Variants in FAT4 observed in about 807,000 individuals in gnomAD.
The protein encoded by FAT4 is protocadherin Fat 4.
Under a neutral mutation model 303.9 loss-of-function variants are expected in FAT4, and 84 were observed. That is an observed-to-expected ratio of 0.28 (90% CI 0.23 to 0.33). The LOEUF is 0.33. FAT4 is among the 10% of genes least tolerant of loss of function. The pLI, the probability that FAT4 is intolerant of heterozygous loss-of-function variation, is 1.00. For missense variants in FAT4, 6,005 were observed against 6,146.8 expected, an observed-to-expected ratio of 0.98 and a Z score of 0.77; for synonymous variants, 2,307 against 2,298.8, an observed-to-expected ratio of 1.00 and a Z score of -0.10.
At chr4:125,456,771 A>G (rs1726295315) in intron 10 of FAT4, among the ~76,000 whole-genome samples, 1 of 152,166 alleles carries the variant, frequency 6.6e-6, no homozygotes, top group Non-Finnish European at 1.5e-5. Context: ...CTTAACATCT[A>G]ACCTAGTCAG....
chr4:125,417,477 G>A (rs1328775935), intron 7 of FAT4, among the ~76,000 whole-genome samples: 1 of 151,996 alleles, frequency 6.6e-6, no homozygotes, highest in Non-Finnish European at 1.5e-5. Flanking sequence ...ACCAGGACTT[G>A]GAATTATTAG....
chr4:125,450,292 C>T lies in FAT4; in HGVS notation c.9282C>T (p.Ser3094=), dbSNP rs773285768. Residue 3094 remains serine (S), a synonymous_variant, in exon 10 of 18, where the codon AGC becomes AGT. Transcript: ENST00000394329. ...ENYHTPEFSQ[S]HMSATIPESH... ...ACCATACACCTGAATTCTCTCAAAG[C>T]CACATGAGTGCAACCATCCCTGAGA... 40 of 1,614,072 alleles carry T rather than the reference C, an allele frequency of 2.5e-5. No individual in the cohort carries two copies. The South Asian group carries it at 4.4e-4, about 18-fold the overall frequency.
intron 2 of FAT4, among the ~76,000 whole-genome samples, chr4:125,368,522 GTATA>G (rs11391727): frequency 7.5e-6 from 1 of 133,804 alleles, no homozygotes; most frequent in East Asian, 2.3e-4. Flanking sequence ...TTATATATAT[GTATA>G]TATATATATA....
In FAT4 at chr4:125,316,631, C is replaced by T; in HGVS notation, c.220C>T (p.Leu74Phe). Residue 74 changes from leucine to phenylalanine, a missense_variant, in exon 2 of 18, where the codon CTC becomes TTC. Transcript: ENST00000394329. This position sits in a 1 kb window ranked among gnomAD's most constrained non-coding sequence, Gnocchi z 5.7. The part of the protein sequence containing the change: ...IQTRPGFTYR[L>F]SESHALFAIN... The stretch of plus-strand genomic sequence containing the variant: ...GACGCGCCCCGGCTTCACCTACAGG[C>T]TCAGCGAAAGCCACGCCCTGTTTGC... 1.9e-6 allele frequency: 3 copies of T among 1,613,934 alleles called. No individual in the cohort carries two copies. Among genetic ancestry groups the T allele is most frequent in the Non-Finnish European group, 2.5e-6 (3 of 1,180,036 alleles).
At chr4:125,370,192 T>C (rs1481218952) in intron 2 of FAT4, among the ~76,000 whole-genome samples, 1 of 152,138 alleles carries the variant, frequency 6.6e-6, no homozygotes, top group Non-Finnish European at 1.5e-5. Context: ...TGACTTTTTG[T>C]AAAATCAGGA....
chr4:125,319,932 T>C lies in FAT4; in HGVS notation c.3521T>C (p.Val1174Ala). ...CTTATGAGGCGGAGAGGGACTGCTG[T>C]GTTTAGCTTTACAGTCATAGCAACA... ...ESLMRRRGTAVFSFTVIATDQ... is the reference protein window; with the variant it reads ...ESLMRRRGTAAFSFTVIATDQ... Residue 1174 changes from valine to alanine, a missense_variant, in exon 2 of 18, where the codon GTG becomes GCG. Physicochemically the swap from Val to Ala is moderately conservative, Grantham distance 64. Transcript: ENST00000394329. The C allele has an allele frequency of 1.2e-6, 2 of 1,613,756 alleles. No individual in the cohort carries two copies. The highest frequency in any genetic ancestry group is 8.5e-7 in the Non-Finnish European group (1 of 1,180,002).
intron 2 of FAT4, among the ~76,000 whole-genome samples, chr4:125,326,833 T>C (rs1044036501): frequency 1.5e-4 from 23 of 152,148 alleles, no homozygotes; most frequent in African/African-American, 5.1e-4. Flanking sequence ...GAGACCAGCC[T>C]GGGCAACATG....
intron 8 of FAT4, among the ~76,000 whole-genome samples, chr4:125,445,345 C>T (rs989747274): frequency 6.6e-6 from 1 of 151,936 alleles, no homozygotes; most frequent in South Asian, 2.1e-4. Flanking sequence ...AGTTTTTTCC[C>T]CTGCAGTTTA....
At chr4:125,367,049 T>A (rs1353553508) in intron 2 of FAT4, among the ~76,000 whole-genome samples, 1 of 152,174 alleles carries the variant, frequency 6.6e-6, no homozygotes, top group Non-Finnish European at 1.5e-5. Flanking sequence ...TTCTGTAGGA[T>A]GTTTGTTCAC....
intron 2 of FAT4, among the ~76,000 whole-genome samples, chr4:125,381,890 G>A (rs528118090): frequency 3.9e-5 from 6 of 152,228 alleles, no homozygotes; most frequent in African/African-American, 1.2e-4. Flanking sequence ...TCATTTCAAC[G>A]GTATTTACAG....
At chr4:125,455,220 G>T (rs779418728) in intron 10 of FAT4, among the ~76,000 whole-genome samples, 1 of 152,158 alleles carries the variant, frequency 6.6e-6, no homozygotes, top group Non-Finnish European at 1.5e-5. Flanking sequence ...AATGAAGAAA[G>T]TGCAAATGTA....
chr4:125,400,014 A>G (rs1159005150), intron 3 of FAT4, among the ~76,000 whole-genome samples: 1 of 151,916 alleles, frequency 6.6e-6, no homozygotes, highest in Non-Finnish European at 1.5e-5. Flanking sequence ...TTGATTTATC[A>G]ATTCATAAAA....
In FAT4 at chr4:125,439,932, T is replaced by C. The variant is rs185888698; in HGVS notation, c.7199+5507T>C. Among the ~76,000 whole-genome samples the C allele has an allele frequency of 9.8e-5, 15 of 152,326 alleles. No individual in the cohort carries two copies. The East Asian group carries it at 2.9e-3, about 29-fold the overall frequency. On this transcript the variant is annotated intron_variant, in intron 8 of 17. Coordinates refer to ENST00000394329, the MANE Select transcript of FAT4 (RefSeq NM_001291303.3). ...AAAATGAACATAAAAATTTATACTT[T>C]ACAGTTTGTGAGACAAACATTTACT...
intron 7 of FAT4, among the ~76,000 whole-genome samples, chr4:125,433,423 T>C (rs1725345185): frequency 1.3e-5 from 2 of 152,186 alleles, no homozygotes; most frequent in African/African-American, 4.8e-5. Context: ...TGAAAAACGG[T>C]TTTGAAAACA....
At chr4:125,420,251 A>T (rs1304464936) in intron 7 of FAT4, among the ~76,000 whole-genome samples, 1 of 152,148 alleles carries the variant, frequency 6.6e-6, no homozygotes. Context: ...TGTTTACCTT[A>T]TCCTTCTCTA....
At position 125,451,279 on chromosome 4, in the gene FAT4, T is replaced by C. The variant is rs1300599054; in HGVS notation, c.10269T>C (p.Thr3423=). Reference sequence around the variant, plus strand: ...TCAGTGAAGGGGTCCCAATAGGAACTCATGTGACCTTTGTCAGTGCCTTTG... The same window carrying C: ...TCAGTGAAGGGGTCCCAATAGGAACCCATGTGACCTTTGTCAGTGCCTTTG... ...VQISEGVPIG[T]HVTFVSAFDS... Residue 3423 remains threonine, a synonymous_variant, in exon 10 of 18, where the codon ACT becomes ACC. Coordinates refer to ENST00000394329, the MANE Select transcript of FAT4 (RefSeq NM_001291303.3). The C allele has an allele frequency of 6.2e-7, 1 of 1,614,100 alleles. No homozygotes were observed. Among genetic ancestry groups the C allele is most frequent in the Non-Finnish European group, 8.5e-7 (1 of 1,180,006 alleles).
At chr4:125,333,446 A>C (rs899894977) in intron 2 of FAT4, among the ~76,000 whole-genome samples, 1 of 152,172 alleles carries the variant, frequency 6.6e-6, no homozygotes, top group African/African-American at 2.4e-5. Context: ...GCAAATTGTA[A>C]AAGTGCAGTT....
chr4:125,468,091 T>C (rs971753892), intron 11 of FAT4, among the ~76,000 whole-genome samples: 4 of 151,780 alleles, frequency 2.6e-5, no homozygotes, highest in Admixed American at 1.3e-4. Context: ...TTGAACCCAG[T>C]AGGCAGAGGT....
At chr4:125,392,234 T>C (rs1344906135) in intron 2 of FAT4, among the ~76,000 whole-genome samples, 1 of 152,166 alleles carries the variant, frequency 6.6e-6, no homozygotes, top group Non-Finnish European at 1.5e-5. Context: ...TTGTGAACTC[T>C]AAACATTATT....
Sources: allele counts gnomAD v4.1 joint callset (sites outside exome capture counted in the v4.1 genomes callset), GRCh38; gene constraint gnomAD v4.1.1; non-coding constraint Gnocchi (gnomAD v3.1); transcripts MANE v1.5; gene names NCBI Gene and HGNC (gene_info 2026-07-23, HGNC 2026-07-21).